Variants in TMEM132D observed in about 807,000 individuals in gnomAD.
TMEM132D encodes the protein mature OL transmembrane protein.
TMEM132D carries 21 observed loss-of-function variants against 62.3 expected under a neutral mutation model. The ratio of observed to expected loss-of-function variants is 0.34; its 90% CI spans 0.24 to 0.49. The LOEUF is 0.49. Among genes scored for constraint, TMEM132D ranks in the 20% least tolerant of loss-of-function variants. The pLI is 0.99. For synonymous variants in TMEM132D, 621 were observed against 575.6 expected, an observed-to-expected ratio of 1.08 and a Z score of -1.13; for missense variants, 1,346 against 1,402.8, an observed-to-expected ratio of 0.96 and a Z score of 0.65.
At chr12:129,565,585 G>T (rs1877347005) in intron 2 of TMEM132D, among the ~76,000 whole-genome samples, 1 of 152,196 alleles carries the variant, frequency 6.6e-6, no homozygotes, top group South Asian at 2.1e-4. Context: ...TGAGAGGAGG[G>T]GGTCATTCAA....
intron 5 of TMEM132D, among the ~76,000 whole-genome samples, chr12:129,155,457 T>A (rs1877209648): frequency 6.6e-6 from 1 of 152,224 alleles, no homozygotes; most frequent in African/African-American, 2.4e-5. Flanking sequence ...TTTAATAAAA[T>A]CCAATTTTCA....
At chr12:129,130,017 G>GTGTT (rs1565973475) in intron 5 of TMEM132D, among the ~76,000 whole-genome samples, 1 of 134,642 alleles carries the variant, frequency 7.4e-6, no homozygotes, top group African/African-American at 3.4e-5. Context: ...GCTCTGCTCT[G>GTGTT]TGTGTGTGTG....
At chr12:129,318,478 G>A (rs1868563794) in intron 4 of TMEM132D, among the ~76,000 whole-genome samples, 1 of 152,180 alleles carries the variant, frequency 6.6e-6, no homozygotes, top group African/African-American at 2.4e-5. Context: ...GGTCTGCATA[G>A]AGTCCTGTGA....
chr12:129,248,809 T>C (rs139718318), intron 4 of TMEM132D, among the ~76,000 whole-genome samples: 2 of 152,310 alleles, frequency 1.3e-5, no homozygotes, highest in East Asian at 3.9e-4. Flanking sequence ...CTTTTCTGTT[T>C]CCACAATACT....
intron 3 of TMEM132D, among the ~76,000 whole-genome samples, chr12:129,451,055 C>A (rs1012417567): frequency 2.0e-5 from 3 of 152,116 alleles, no homozygotes. Context: ...AGCCACCGCG[C>A]CCGGCCAATT....
At chr12:129,388,715 C>T (rs1225198310) in intron 3 of TMEM132D, among the ~76,000 whole-genome samples, 2 of 124,070 alleles carry the variant, frequency 1.6e-5, no homozygotes, top group East Asian at 2.2e-4. Context: ...ATAATATTAA[C>T]ACTAACACTC....
chr12:129,095,411 G>A (rs2020395), intron 5 of TMEM132D, among the ~76,000 whole-genome samples: 1 of 136,426 alleles, frequency 7.3e-6, no homozygotes, highest in African/African-American at 2.8e-5. Context: ...GTGGAGTGAA[G>A]TGGTGCGATC....
chr12:129,539,580 T>TC (rs1939057207), intron 2 of TMEM132D, among the ~76,000 whole-genome samples: 2 of 147,876 alleles, frequency 1.4e-5, no homozygotes, highest in African/African-American at 5.2e-5. Context: ...TTCTATTTTT[T>TC]TTTTTTCTTT....
intron 1 of TMEM132D, among the ~76,000 whole-genome samples, chr12:129,825,773 G>C (rs557739719): frequency 3.2e-4 from 48 of 152,114 alleles, no homozygotes; most frequent in Non-Finnish European, 6.2e-4. Context: ...ACTTTAAAGC[G>C]AGGGGTATAA....
intron 2 of TMEM132D, among the ~76,000 whole-genome samples, chr12:129,660,705 A>G (rs1371921809): frequency 2.6e-5 from 4 of 152,138 alleles, no homozygotes; most frequent in Admixed American, 2.0e-4. Flanking sequence ...TAGTCTGCAC[A>G]CCTTGTACCA....
chr12:129,836,515 T>TGTGTGC (rs377254098), intron 1 of TMEM132D, among the ~76,000 whole-genome samples: 2 of 151,046 alleles, frequency 1.3e-5, no homozygotes, highest in South Asian at 2.1e-4. Flanking sequence ...TGTGTGTGTG[T>TGTGTGC]GCGCGCGTGT....
chr12:129,308,827 T>A (rs79706048), intron 4 of TMEM132D, among the ~76,000 whole-genome samples: 79 of 152,334 alleles, frequency 5.2e-4, no homozygotes, highest in African/African-American at 1.8e-3. Flanking sequence ...AAAAATGTCC[T>A]AGGTAAGATG....
intron 5 of TMEM132D, among the ~76,000 whole-genome samples, chr12:129,161,946 G>A (rs1305978497): frequency 1.3e-5 from 2 of 152,166 alleles, no homozygotes; most frequent in Non-Finnish European, 2.9e-5. Flanking sequence ...GCAGGTCTGT[G>A]CTTGCAGACC....
intron 4 of TMEM132D, among the ~76,000 whole-genome samples, chr12:129,237,893 T>A (rs1341480764): frequency 6.6e-6 from 1 of 152,116 alleles, no homozygotes; most frequent in Non-Finnish European, 1.5e-5. Context: ...GGCAGGAGAA[T>A]CGCTTGAACT....
At chr12:129,377,931 G>A (rs571448022) in intron 3 of TMEM132D, among the ~76,000 whole-genome samples, 1 of 152,304 alleles carries the variant, frequency 6.6e-6, no homozygotes, top group Admixed American at 6.5e-5. Context: ...GTGGAATGAA[G>A]TCAGGTTTAA....
At chr12:129,450,795 C>T (rs868784001) in intron 3 of TMEM132D, among the ~76,000 whole-genome samples, 1 of 130,996 alleles carries the variant, frequency 7.6e-6, no homozygotes, top group African/African-American at 3.0e-5. Flanking sequence ...CTCACTCTGT[C>T]GCCCAGGCTG....
intron 2 of TMEM132D, among the ~76,000 whole-genome samples, chr12:129,675,341 G>A (rs932287370): frequency 6.8e-6 from 1 of 147,066 alleles, no homozygotes; most frequent in Non-Finnish European, 1.5e-5. Flanking sequence ...CATGGAGACA[G>A]ATTGGGGAAC....
At chr12:129,883,696 CAG>C (rs1340382146) in intron 1 of TMEM132D, among the ~76,000 whole-genome samples, 1 of 152,150 alleles carries the variant, frequency 6.6e-6, no homozygotes, top group Admixed American at 6.6e-5. Flanking sequence ...GGTGAAAAGA[CAG>C]AGACACACAT....
At chr12:129,614,153 G>T (rs1878854308) in intron 2 of TMEM132D, among the ~76,000 whole-genome samples, 1 of 151,684 alleles carries the variant, frequency 6.6e-6, no homozygotes, top group African/African-American at 2.4e-5. Flanking sequence ...GAACCCAGGT[G>T]ACTATCTCCA....
Sources: allele counts gnomAD v4.1 joint callset (sites outside exome capture counted in the v4.1 genomes callset), GRCh38; gene constraint gnomAD v4.1.1; transcripts MANE v1.5; gene names NCBI Gene and HGNC (gene_info 2026-07-23, HGNC 2026-07-21).